VWCE: variants seen among roughly 807,000 people sequenced by gnomAD.
The protein encoded by VWCE is von Willebrand factor C and EGF domains.
In VWCE, 68 loss-of-function variants were observed where a neutral mutation model predicts 102.9. The ratio of observed to expected loss-of-function variants is 0.66; its 90% CI spans 0.54 to 0.81. VWCE has a LOEUF of 0.81. VWCE is among the 30% of genes least tolerant of loss of function. The probability of loss-of-function intolerance (pLI) is 0.00; values close to 1 mark genes in which losing one functional copy is unlikely to be tolerated. For missense variants in VWCE, 1,137 were observed against 1,263.6 expected (o/e 0.90, Z 1.52); for synonymous variants, 497 against 515.4 (o/e 0.96, Z 0.48).
In VWCE at chr11:61,264,514, G is replaced by C. The variant is rs1337076157; in HGVS notation, c.2203C>G (p.Pro735Ala). 1 of 1,613,674 alleles carries C rather than the reference G, an allele frequency of 6.2e-7. No homozygotes were observed. The highest frequency in any genetic ancestry group is 8.5e-7 in the Non-Finnish European group (1 of 1,179,864). Residue 735 changes from proline to alanine, a missense_variant, in exon 19 of 20, where the codon CCT (proline) becomes GCT (alanine). Physicochemically the swap from Pro to Ala is conservative, Grantham distance 27. Coordinates refer to ENST00000335613, the MANE Select transcript of VWCE (RefSeq NM_152718.2). The stretch of plus-strand genomic sequence containing the variant: ...GGACAGGAAGAGCAGCAGTCCCCAG[G>C]AAGCAGGGCAGGGTCGGCACAGGCC... ...QRACADPALL[P>A]GDCCSSCPDS...
At chr11:61,278,606 T>C (rs1855008379) in intron 9 of VWCE, 130 bp from the exon 10 acceptor site, 3 of 811,212 alleles carry the variant, frequency 3.7e-6, no homozygotes, top group Middle Eastern at 2.3e-4. Context: ...CCAGGAGTGG[T>C]AGATTCAGGG....
chr11:61,269,052 C>T (rs773321520), intron 14 of VWCE, 34 bp from the exon 15 acceptor site: 49 of 1,593,962 alleles, frequency 3.1e-5, no homozygotes, highest in Middle Eastern at 3.4e-4. Flanking sequence ...AAGACCCCAC[C>T]GGTGACACCG....
chr11:61,290,900 C>T lies in VWCE; in HGVS notation c.323G>A (p.Gly108Asp), dbSNP rs867770246. 1.2e-6 allele frequency: 2 copies of T among 1,613,756 alleles called. No homozygotes were observed. The highest frequency in any genetic ancestry group is 2.7e-5 in the African/African-American group (2 of 74,880). ...TCCATGGTTGCAGGTAAGGTCACAG[C>T]CGTACTCCCCACATGGTCCATGGGT... is the stretch of plus-strand genomic sequence containing the variant. ...PETHGPCGEY[G>D]CDLTCNHGGC... Residue 108 changes from glycine to aspartate, a missense_variant, in exon 4 of 20, where the codon GGC becomes GAC. Transcript: ENST00000335613.
chr11:61,263,968 G>C (rs952947182), intron 19 of VWCE, among the ~76,000 whole-genome samples: 10 of 152,138 alleles, frequency 6.6e-5, no homozygotes, highest in Admixed American at 5.9e-4. Context: ...GCTCACGCCT[G>C]TAATCCCAGC....
chr11:61,260,212 GCC>G (rs1854311771), intron 19 of VWCE, among the ~76,000 whole-genome samples: 1 of 152,254 alleles, frequency 6.6e-6, no homozygotes, highest in East Asian at 1.9e-4. Context: ...CTGAGATCGT[GCC>G]ACTGCACTCC....
rs1431439541 is a variant in VWCE, at chr11:61,262,233, C to T, written c.2230+2254G>A. The stretch of plus-strand genomic sequence containing the variant: ...CCTCCCAAAGTGCTGGGATTACAGG[C>T]GTGAGCCACCACGCCAGACCTGGAG... On this transcript the variant is annotated intron_variant, in intron 19 of 19. Transcript: ENST00000335613. Among the ~76,000 whole-genome samples the T allele has an allele frequency of 3.9e-5, 6 of 152,168 alleles. No homozygotes were observed. In the East Asian group the frequency reaches 5.8e-4, roughly 15 times the overall value.
rs780773357 is a variant in VWCE, at chr11:61,267,596, G to A, written c.1883-52C>T. The A allele has an allele frequency of 3.2e-6, 5 of 1,580,840 alleles. No homozygotes were observed. The South Asian group carries it at 5.5e-5, about 17-fold the overall frequency. On this transcript the variant is annotated intron_variant, in intron 15 of 19. Coordinates refer to ENST00000335613, the MANE Select transcript of VWCE (RefSeq NM_152718.2). ...CCAGCTGGGAGTGGCCAGGCACCAG[G>A]CTTCCCGCCAGGGCCAAGGTCACAG... is the stretch of plus-strand genomic sequence containing the variant.
rs201512832 is a variant in VWCE, at chr11:61,258,857, T to C, written c.2686A>G (p.Thr896Ala). The C allele has an allele frequency of 4.3e-5, 65 of 1,517,310 alleles. No homozygotes were observed. The highest frequency in any genetic ancestry group is 5.4e-5 in the Non-Finnish European group (61 of 1,134,930). 94.0% of individuals were successfully genotyped at this position (1,517,310 alleles called of 1,614,324 possible). Residue 896 changes from threonine (T) to alanine (A), a missense_variant, in exon 20 of 20, where the codon ACG becomes GCG. This residue lies in a region of VWCE where 316 missense variants were observed against 319.3 expected (regional missense o/e 0.99). Coordinates refer to ENST00000335613, the MANE Select transcript of VWCE (RefSeq NM_152718.2). ...ATCATGGAAAGTGCTGAAGCTTCCG[T>C]CAGGAGGGTGCCAGGCAGAGGAGGC... ...RWPPLPGTLL[T>A]EASALSMMDP...
intron 15 of VWCE, among the ~76,000 whole-genome samples, chr11:61,268,461 G>A (rs1854577562): frequency 6.6e-6 from 1 of 152,196 alleles, no homozygotes; most frequent in Admixed American, 6.5e-5. Flanking sequence ...GGCTGAGGCA[G>A]GAGAATCACT....
chr11:61,289,062 A>G (rs1855419243), intron 4 of VWCE, among the ~76,000 whole-genome samples: 1 of 151,462 alleles, frequency 6.6e-6, no homozygotes, highest in Non-Finnish European at 1.5e-5. Flanking sequence ...CTGGTCTCGA[A>G]CCCCTGACCT....
intron 11 of VWCE, among the ~76,000 whole-genome samples, chr11:61,275,112 C>T (rs538344794): frequency 6.6e-6 from 1 of 151,808 alleles, no homozygotes; most frequent in East Asian, 1.9e-4. Flanking sequence ...GGTCCTCAGC[C>T]AAAAAGGCAG....
rs1442449103 is a variant in VWCE at position 61,279,724 on chromosome 11, CT to C, written c.1324+899del. On this transcript the variant is annotated intron_variant, in intron 9 of 19. Coordinates refer to ENST00000335613, the MANE Select transcript of VWCE (RefSeq NM_152718.2). Reference sequence around the variant, plus strand: ...CCCAGACCAACTGAATGAGAATCTGCTTTTTTTCTTTTTTCTTTTTAGCCAG... The same window carrying C: ...CCCAGACCAACTGAATGAGAATCTGCTTTTTTCTTTTTTCTTTTTAGCCAG... 2.0e-5 allele frequency among the ~76,000 whole-genome samples: 3 copies of C among 151,926 alleles called. No individual in the cohort carries two copies. The East Asian group carries it at 5.8e-4, about 29-fold the overall frequency.
rs1176610130 is a variant in VWCE at position 61,259,306 on chromosome 11, A to G, written c.2237T>C (p.Leu746Pro). 3 of 1,577,710 alleles carry G rather than the reference A, an allele frequency of 1.9e-6. No homozygotes were observed. In the South Asian group the frequency reaches 3.5e-5, roughly 19 times the overall value. ...CCCCTGCTTTTCTTCCAGAGGAGAC[A>G]GGGAATCTAGAGAGACGAGGGTGAA... is the stretch of plus-strand genomic sequence containing the variant. ...GDCCSSCPDSLSPLEEKQGLS... is the reference protein window; with the variant it reads ...GDCCSSCPDSPSPLEEKQGLS... Residue 746 changes from leucine to proline, a missense_variant, in exon 20 of 20, where the codon CTG becomes CCG. Leu to Pro is a moderately conservative substitution (Grantham distance 98, BLOSUM62 -3). Around this residue, in one of 5 missense-constraint regions of VWCE, gnomAD observed 316 missense variants for 319.3 expected, o/e 0.99. Coordinates refer to ENST00000335613, the MANE Select transcript of VWCE (RefSeq NM_152718.2).
rs1054537983 is a variant in VWCE, at chr11:61,269,171, A to T, written c.1786-153T>A. On this transcript the variant is annotated intron_variant, in intron 14 of 19. Transcript: ENST00000335613. The stretch of plus-strand genomic sequence containing the variant: ...GGAAGATGGCAGGTCTCCCCTAAAG[A>T]GGATCGGCTACTTGAGAAAGGCCAT... 12 of 648,942 alleles carry T rather than the reference A, an allele frequency of 1.8e-5. No individual in the cohort carries two copies. In the African/African-American group the frequency reaches 2.2e-4, roughly 12 times the overall value. The allele number at this position is 648,942 out of a possible 1,614,324, so 40.2% of individuals were successfully genotyped here.
chr11:61,281,686 G>A lies in VWCE; in HGVS notation c.787+100C>T, dbSNP rs561318928. ...CTGAGAGGGCGTGGCTGGGCGCCGG[G>A]AGGGCGTGACGGGGAGGGGCCAGGC... On this transcript the variant is annotated intron_variant, in intron 7 of 19. Coordinates refer to ENST00000335613, the MANE Select transcript of VWCE (RefSeq NM_152718.2). 9 of 1,425,866 alleles carry A rather than the reference G, an allele frequency of 6.3e-6. No homozygotes were observed. The South Asian group carries it at 7.4e-5, about 12-fold the overall frequency. The allele number at this position is 1,425,866 out of a possible 1,614,324, so 88.3% of individuals were successfully genotyped here.
intron 16 of VWCE, among the ~76,000 whole-genome samples, chr11:61,266,971 C>T (rs1040886469): frequency 5.3e-5 from 8 of 152,068 alleles, no homozygotes; most frequent in Admixed American, 3.3e-4. Flanking sequence ...AAAAATATTT[C>T]TCTGGGCTGG....
chr11:61,270,788 CA>C lies in VWCE; in HGVS notation c.1785+886del, dbSNP rs1360072038. ...GATTCCTAATTCTTACTCCTCATGC[CA>C]GCAGCTCCCTGCACATGCACACTGT... On this transcript the variant is annotated intron_variant, in intron 14 of 19. Coordinates refer to ENST00000335613, the MANE Select transcript of VWCE (RefSeq NM_152718.2). Among the ~76,000 whole-genome samples, 10 of 152,074 alleles carry C rather than the reference CA, an allele frequency of 6.6e-5. No individual in the cohort carries two copies. The East Asian group carries it at 1.9e-3, about 29-fold the overall frequency.
chr11:61,289,462 C>G (rs1397081802), intron 4 of VWCE, among the ~76,000 whole-genome samples: 1 of 151,796 alleles, frequency 6.6e-6, no homozygotes, highest in Non-Finnish European at 1.5e-5. Flanking sequence ...GTTGGCCAGG[C>G]TGGTCTTGAA....
rs1162163305 is a variant in VWCE at position 61,286,353 on chromosome 11, G to A, written c.502C>T (p.Pro168Ser). Reference protein sequence around the residue: ...TEGGFVCECGPGMQLSADRHS... With the variant: ...TEGGFVCECGSGMQLSADRHS... ...CGGTCGGCAGACAGCTGCATGCCCG[G>A]CCCACACTCGCACACAAACCCACCT... Residue 168 changes from proline (P) to serine (S), a missense_variant, in exon 5 of 20, where the codon CCG becomes TCG. Pro to Ser is a moderately conservative substitution (Grantham distance 74). This residue lies in a region of VWCE where 575 missense variants were observed against 625.9 expected (regional missense o/e 0.92). Coordinates refer to ENST00000335613, the MANE Select transcript of VWCE (RefSeq NM_152718.2). 2.5e-6 allele frequency: 4 copies of A among 1,611,476 alleles called. No homozygotes were observed. Among genetic ancestry groups the A allele is most frequent in the Middle Eastern group, 1.6e-4 (1 of 6,084 alleles).
Sources: allele counts gnomAD v4.1 joint callset (sites outside exome capture counted in the v4.1 genomes callset), GRCh38; gene constraint gnomAD v4.1.1; regional missense constraint gnomAD v4.1.1; transcripts MANE v1.5; gene names NCBI Gene and HGNC (gene_info 2026-07-23, HGNC 2026-07-21).